Variants in POLI observed in about 807,000 individuals in gnomAD.
POLI encodes the protein DNA polymerase iota.
A neutral mutation model predicts 51.6 loss-of-function variants in POLI; 58 were observed. That is an observed-to-expected ratio of 1.12 (90% CI 0.91 to 1.40). The LOEUF is 1.40. POLI is among the 40% of genes most tolerant of loss of function. The pLI, the probability that POLI is intolerant of heterozygous loss-of-function variation, is 0.00. For missense variants in POLI, 921 were observed against 871.3 expected, an observed-to-expected ratio of 1.06 and a Z score of -0.72; for synonymous variants, 322 against 299.7, an observed-to-expected ratio of 1.07 and a Z score of -0.77.
chr18:54,320,407 A>G (rs2088777162), intron 4 of POLI: 1 of 152,190 alleles, frequency 6.6e-6, no homozygotes, highest in South Asian at 2.1e-4. Flanking sequence ...GTGCCATGAA[A>G]AGACCTAATT....
chr18:54,271,182 C>A, intron 1 of POLI, 178 bp from the exon 2 acceptor site: 1 of 515,026 alleles, frequency 1.9e-6, no homozygotes, highest in Non-Finnish European at 3.4e-6. Flanking sequence ...GGACTGAAGA[C>A]CCTACCCTAA....
chr18:54,297,908 G>A lies in POLI; in HGVS notation c.*3441G>A. On this transcript the variant is annotated 3_prime_UTR_variant, in exon 10 of 10. Transcript: ENST00000579534. ...CTTGTGTGTCAGATGTTCCTTCTAG[G>A]TAGAATTCTTTATACCTTCTGAAAT... 4 of 982,096 alleles carry A rather than the reference G, an allele frequency of 4.1e-6. No individual in the cohort carries two copies. Among genetic ancestry groups the A allele is most frequent in the Non-Finnish European group, 3.6e-6 (3 of 827,004 alleles). 60.8% of individuals were successfully genotyped at this position (982,096 alleles called of 1,614,324 possible).
intron 3 of POLI, among the ~76,000 whole-genome samples, chr18:54,306,664 T>C (rs1416955649): frequency 6.6e-6 from 1 of 152,222 alleles, no homozygotes; most frequent in African/African-American, 2.4e-5. Context: ...AGCTCCTCTT[T>C]GTACCTCTGG....
chr18:54,270,942 T>C (rs972267486), intron 1 of POLI: 3 of 154,330 alleles, frequency 1.9e-5, no homozygotes, highest in African/African-American at 7.2e-5. Context: ...TTTCAGTTTT[T>C]GTTGGTTTGT....
chr18:54,292,002 A>G lies in POLI; in HGVS notation c.1368A>G (p.Ser456=), dbSNP rs1466936309. 6 of 1,609,526 alleles carry G rather than the reference A, an allele frequency of 3.7e-6. No individual in the cohort carries two copies. The highest frequency in any genetic ancestry group is 4.2e-6 in the Non-Finnish European group (5 of 1,177,364). The part of the protein sequence containing the change: ...KGLIDYYLMP[S]LSTTSRSGKH... ...TTATTGATTATTATTTAATGCCATC[A>G]TTATCAACTACTTCACGCTCTGGCA... is the stretch of plus-strand genomic sequence containing the variant. The change falls in exon 9 of 10, where the codon TCA becomes TCG. Residue 456 remains serine (S), a synonymous_variant. Transcript: ENST00000579534.
In POLI at chr18:54,297,396, G is replaced by A. The variant is rs1339524012; in HGVS notation, c.*2929G>A. 4 of 983,508 alleles carry A rather than the reference G, an allele frequency of 4.1e-6. No homozygotes were observed. The highest frequency in any genetic ancestry group is 4.8e-6 in the Non-Finnish European group (4 of 828,740). The allele number at this position is 983,508 out of a possible 1,614,324, so 60.9% of individuals were successfully genotyped here. On this transcript the variant is annotated 3_prime_UTR_variant, in exon 10 of 10. Coordinates refer to ENST00000579534, the MANE Select transcript of POLI (RefSeq NM_007195.3). ...AGTGTAGAGGGGGTTTCTGTCTTGA[G>A]TGTAGGCCTGGAGATTTCCCTTATA...
In POLI at chr18:54,297,453, C is replaced by T; in HGVS notation, c.*2986C>T. The T allele has an allele frequency of 2.0e-6, 2 of 981,354 alleles. No individual in the cohort carries two copies. The highest frequency in any genetic ancestry group is 2.4e-6 in the Non-Finnish European group (2 of 826,408). The allele number at this position is 981,354 out of a possible 1,614,324, so 60.8% of individuals were successfully genotyped here. ...AAACCAGCAATGAATTAAGAGGTCT[C>T]TTTTCTCCAAGATCTAGTGTTTTGT... On this transcript the variant is annotated 3_prime_UTR_variant, in exon 10 of 10. Coordinates refer to ENST00000579534, the MANE Select transcript of POLI (RefSeq NM_007195.3).
chr18:54,271,873 T>G (rs2087018996), intron 2 of POLI, among the ~76,000 whole-genome samples: 1 of 152,214 alleles, frequency 6.6e-6, no homozygotes, highest in Non-Finnish European at 1.5e-5. Context: ...TCTGAAATTA[T>G]CTCTTAAATT....
chr18:54,301,356 GGATACA>G (rs1385487665), downstream of POLI, among the ~76,000 whole-genome samples: 1 of 151,942 alleles, frequency 6.6e-6, no homozygotes, highest in Non-Finnish European at 1.5e-5. Flanking sequence ...AAATCAGTAA[GGATACA>G]GAAGACCTGA....
Position 54,297,421 on chromosome 18 carries a change from A to G in POLI, c.*2954A>G, listed in dbSNP as rs1279890734. 4.1e-6 allele frequency: 4 copies of G among 982,404 alleles called. No homozygotes were observed. The highest frequency in any genetic ancestry group is 4.8e-6 in the Non-Finnish European group (4 of 827,480). 60.9% of individuals were successfully genotyped at this position (982,404 alleles called of 1,614,324 possible). ...GTGTAGGCCTGGAGATTTCCCTTAT[A>G]TGGTACAAACCAGCAATGAATTAAG... is the stretch of plus-strand genomic sequence containing the variant. On this transcript the variant is annotated 3_prime_UTR_variant, in exon 10 of 10. Coordinates refer to ENST00000579534, the MANE Select transcript of POLI (RefSeq NM_007195.3).
In POLI at chr18:54,296,300, C is replaced by A; in HGVS notation, c.*1833C>A. On this transcript the variant is annotated 3_prime_UTR_variant, in exon 10 of 10. Coordinates refer to ENST00000579534, the MANE Select transcript of POLI (RefSeq NM_007195.3). ...AGAGAAAGCAAAATAGTTAAAAATA[C>A]ATTTCATAGATTGAGAATGTACGGG... 1 of 985,156 alleles carries A rather than the reference C, an allele frequency of 1.0e-6. No homozygotes were observed. Among genetic ancestry groups the A allele is most frequent in the Non-Finnish European group, 1.2e-6 (1 of 829,722 alleles). The allele number at this position is 985,156 out of a possible 1,614,324, so 61.0% of individuals were successfully genotyped here.
At position 54,305,612 on chromosome 18, in the gene POLI, G is replaced by T. The variant is rs561706548; in HGVS notation, c.334-14661G>T. Among the ~76,000 whole-genome samples, 2 of 142,940 alleles carry T rather than the reference G, an allele frequency of 1.4e-5. 1 individual carries two copies. The highest frequency in any genetic ancestry group is 3.1e-5 in the Non-Finnish European group (2 of 63,570). 93.8% of individuals were successfully genotyped at this position (142,940 alleles called of 152,430 possible). ...TGTGATTTTTGCACATTGATTTTGT[G>T]TCCTGAGACTTTGCTGAAGTTGCTT... On this transcript the variant is annotated intron_variant, in intron 3 of 4. Coordinates refer to the POLI transcript ENST00000579823.
At chr18:54,313,082 G>C (rs547361264) in intron 3 of POLI, among the ~76,000 whole-genome samples, 1 of 152,190 alleles carries the variant, frequency 6.6e-6, no homozygotes, top group East Asian at 1.9e-4. Context: ...TTTGTAGTTT[G>C]ATGGCTTACA....
rs1349125368 is a variant in POLI, at chr18:54,312,187, A to G, written c.334-8086A>G. Reference sequence around the variant, plus strand: ...TACCCAATGTTTAGCTCCCACTTATAAGTGAGAAAACGCAGTATTTGATTT... The same window carrying G: ...TACCCAATGTTTAGCTCCCACTTATGAGTGAGAAAACGCAGTATTTGATTT... On this transcript the variant is annotated intron_variant, in intron 3 of 4. Coordinates refer to the POLI transcript ENST00000579823. 2.0e-5 allele frequency among the ~76,000 whole-genome samples: 3 copies of G among 152,196 alleles called. No homozygotes were observed. The East Asian group carries it at 5.8e-4, about 29-fold the overall frequency.
chr18:54,320,880 A>G (rs760502486), intron 4 of POLI, among the ~76,000 whole-genome samples: 43 of 152,062 alleles, frequency 2.8e-4, no homozygotes, highest in Non-Finnish European at 5.0e-4. Context: ...ATAATACATA[A>G]TAATAATACC....
At chr18:54,283,119 A>G (rs2087590418) in intron 6 of POLI, 104 bp downstream of exon 6, 1 of 632,008 alleles carries the variant, frequency 1.6e-6, no homozygotes, top group African/African-American at 1.8e-5. Flanking sequence ...TTTGCTTAGT[A>G]TGTGATCCCT....
At chr18:54,283,154 A>G (rs976751113) in intron 6 of POLI, 139 bp downstream of exon 6, 2 of 529,108 alleles carry the variant, frequency 3.8e-6, no homozygotes, top group African/African-American at 3.8e-5. Context: ...CTGATTTATT[A>G]TTAATAGATT....
At chr18:54,307,947 C>G (rs2088616018) in intron 3 of POLI, among the ~76,000 whole-genome samples, 1 of 151,442 alleles carries the variant, frequency 6.6e-6, no homozygotes. Context: ...AGATTTTCCT[C>G]CATCCCTTTA....
At chr18:54,304,383 T>A (rs2088543543) in intron 3 of POLI, among the ~76,000 whole-genome samples, 1 of 152,224 alleles carries the variant, frequency 6.6e-6, no homozygotes, top group Non-Finnish European at 1.5e-5. Context: ...ACCAACAGTG[T>A]AAAAGCGTTC....
Sources: gnomAD v4.1 joint callset for allele counts (sites outside exome capture counted in the v4.1 genomes callset) on GRCh38, gnomAD v4.1.1 for gene constraint, MANE v1.5 for transcripts, NCBI Gene and HGNC (gene_info 2026-07-23, HGNC 2026-07-21) for gene names.